The following ASAH2 variants were observed in gnomAD, a reference collection of about 807,000 sequenced individuals.
ASAH2 encodes N-acylsphingosine amidohydrolase 2.
Under a neutral mutation model 82.9 loss-of-function variants are expected in ASAH2, and 58 were observed. The observed-to-expected ratio is 0.70, with a 90% CI of 0.57 to 0.87. ASAH2 has a LOEUF of 0.87. Ranked by LOEUF, ASAH2 falls within the 40% of genes least tolerant of loss-of-function variation. The pLI is 0.00. For missense variants in ASAH2, 779 were observed against 834.0 expected (o/e 0.93, Z 0.81); for synonymous variants, 276 against 289.7 (o/e 0.95, Z 0.48).
chr10:50,227,177 C>T (rs1179853631), intron 7 of ASAH2, among the ~76,000 whole-genome samples: 3 of 152,052 alleles, frequency 2.0e-5, no homozygotes, highest in Non-Finnish European at 4.4e-5. Context: ...TCATAAGAGA[C>T]ACCCTTAAAA....
intron 4 of ASAH2, among the ~76,000 whole-genome samples, chr10:50,242,185 A>G (rs1169209563): frequency 6.8e-6 from 1 of 147,906 alleles, no homozygotes; most frequent in African/African-American, 2.6e-5. Context: ...AAATACCAAC[A>G]AAGCCACCTC....
intron 12 of ASAH2, 111 bp downstream of exon 12, chr10:50,210,712 C>A (rs1214621856): frequency 2.4e-5 from 25 of 1,028,022 alleles, no homozygotes; most frequent in Middle Eastern, 4.3e-4. Context: ...AACCAGCAGA[C>A]CCTGAGTTTA....
intron 16 of ASAH2, among the ~76,000 whole-genome samples, chr10:50,200,080 C>T (rs1845099615): frequency 6.6e-6 from 1 of 151,672 alleles, no homozygotes; most frequent in Non-Finnish European, 1.5e-5. Flanking sequence ...TCCTCCCAGC[C>T]TTCACCCTCA....
At chr10:50,196,400 A>G (rs1158761255) in intron 18 of ASAH2, among the ~76,000 whole-genome samples, 1 of 151,470 alleles carries the variant, frequency 6.6e-6, no homozygotes, top group Non-Finnish European at 1.5e-5. Flanking sequence ...AAACTGTTGA[A>G]ACTAATAACT....
rs892413317 is a variant in ASAH2, at chr10:50,215,612, A to T, written c.1015-744T>A. ...TTTGTCGAAGATCAGATGGTTGTAGATCTGTGGTGTTATTTCTGAGGCCTC... is the reference window on the plus strand; with the variant it reads ...TTTGTCGAAGATCAGATGGTTGTAGTTCTGTGGTGTTATTTCTGAGGCCTC... On this transcript the variant is annotated intron_variant, in intron 8 of 20. Coordinates refer to ENST00000682911, the MANE Select transcript of ASAH2 (RefSeq NM_019893.4). Among the ~76,000 whole-genome samples, 1,069 of 152,224 alleles carry T rather than the reference A, an allele frequency of 7.0e-3. 9 individuals are homozygous for T. Among genetic ancestry groups the T allele is most frequent in the Non-Finnish European group, 9.7e-3 (659 of 67,998 alleles).
intron 7 of ASAH2, among the ~76,000 whole-genome samples, chr10:50,220,264 A>T (rs973180371): frequency 1.1e-3 from 174 of 152,312 alleles, no homozygotes; most frequent in Middle Eastern, 3.4e-3. Flanking sequence ...TAAAGTCTTT[A>T]TCTGATGAAG....
intron 2 of ASAH2, among the ~76,000 whole-genome samples, chr10:50,247,007 T>G (rs1846475277): frequency 6.6e-6 from 1 of 152,206 alleles, no homozygotes; most frequent in South Asian, 2.1e-4. Context: ...GAGAAAATAT[T>G]CTAGAATCCT....
chr10:50,229,479 G>A (rs1845973656), intron 7 of ASAH2, among the ~76,000 whole-genome samples: 1 of 152,116 alleles, frequency 6.6e-6, no homozygotes, highest in Non-Finnish European at 1.5e-5. Context: ...TCATGGAATA[G>A]TTTCAGGAAC....
intron 10 of ASAH2, among the ~76,000 whole-genome samples, chr10:50,211,358 A>T (rs1470810069): frequency 6.6e-6 from 1 of 151,984 alleles, no homozygotes; most frequent in African/African-American, 2.4e-5. Context: ...ACCTGTATCA[A>T]CTCCCCACAA....
intron 4 of ASAH2, among the ~76,000 whole-genome samples, chr10:50,238,696 G>C (rs954394521): frequency 6.6e-6 from 1 of 152,238 alleles, no homozygotes; most frequent in Admixed American, 6.5e-5. Flanking sequence ...CAACTTTAAA[G>C]CTCCCTAACC....
At chr10:50,205,579 T>C (rs921191397) in intron 13 of ASAH2, among the ~76,000 whole-genome samples, 6 of 152,062 alleles carry the variant, frequency 3.9e-5, no homozygotes, top group Non-Finnish European at 5.9e-5. Flanking sequence ...ATTGCTTTAG[T>C]TGATAATGTT....
intron 7 of ASAH2, among the ~76,000 whole-genome samples, chr10:50,218,957 C>T (rs1403198477): frequency 6.6e-6 from 1 of 152,160 alleles, no homozygotes; most frequent in East Asian, 1.9e-4. Context: ...AAGATAGGCA[C>T]ACAGGTAGTA....
At chr10:50,199,199 T>C in intron 16 of ASAH2, 53 bp from the exon 17 acceptor site, 1 of 1,591,446 alleles carries the variant, frequency 6.3e-7, no homozygotes, top group Non-Finnish European at 8.6e-7. Flanking sequence ...TAAATCCATT[T>C]ACAGAGGTGT....
At chr10:50,211,225 G>C in intron 10 of ASAH2, 91 bp from the exon 11 acceptor site, 2 of 972,274 alleles carry the variant, frequency 2.1e-6, no homozygotes, top group Non-Finnish European at 3.3e-6. Flanking sequence ...GATGCAATTT[G>C]GAAATGCATC....
At chr10:50,225,285 G>A (rs1285132684) in intron 7 of ASAH2, among the ~76,000 whole-genome samples, 2 of 152,040 alleles carry the variant, frequency 1.3e-5, no homozygotes, top group African/African-American at 2.4e-5. Context: ...GAATGACAGC[G>A]CACAGCTGTA....
At chr10:50,233,708 C>T (rs1469182490) in intron 6 of ASAH2, among the ~76,000 whole-genome samples, 1 of 151,992 alleles carries the variant, frequency 6.6e-6, no homozygotes, top group African/African-American at 2.4e-5. Flanking sequence ...TAAAAATCAT[C>T]TCCTTTGAAA....
At chr10:50,231,171 C>T (rs1389155178) in intron 7 of ASAH2, among the ~76,000 whole-genome samples, 1 of 152,030 alleles carries the variant, frequency 6.6e-6, no homozygotes, top group Non-Finnish European at 1.5e-5. Context: ...ATTTGGGATA[C>T]TCAGTGTAAC....
At chr10:50,202,079 T>C (rs897812879) in intron 16 of ASAH2, among the ~76,000 whole-genome samples, 1 of 152,080 alleles carries the variant, frequency 6.6e-6, no homozygotes, top group Non-Finnish European at 1.5e-5. Context: ...TTAAGATCCC[T>C]TTTTCAATGG....
Position 50,202,817 on chromosome 10 carries a change from G to A in ASAH2, c.1761+12C>T, listed in dbSNP as rs1285252145. The A allele has an allele frequency of 6.3e-5, 98 of 1,560,834 alleles. No homozygotes were observed. The highest frequency in any genetic ancestry group is 7.5e-5 in the Non-Finnish European group (85 of 1,132,142). On this transcript the variant is annotated intron_variant, in intron 16 of 20. Transcript: ENST00000682911. ...TATAATTCATTTAAATGATGAAAAC[G>A]TTTTGCTTTACCTGGTATTCTTCAT... is the stretch of plus-strand genomic sequence containing the variant.
Sources: gnomAD v4.1 joint callset for allele counts (sites outside exome capture counted in the v4.1 genomes callset) on GRCh38, gnomAD v4.1.1 for gene constraint, MANE v1.5 for transcripts, NCBI Gene and HGNC (gene_info 2026-07-23, HGNC 2026-07-21) for gene names.